Variants in DGKZ observed in about 807,000 individuals in gnomAD.
DGKZ encodes the protein DAG kinase zeta.
Under a neutral mutation model 142.5 loss-of-function variants are expected in DGKZ, and 45 were observed. The ratio of observed to expected loss-of-function variants is 0.32; its 90% confidence interval spans 0.25 to 0.40. DGKZ has a LOEUF of 0.40. Among genes scored for constraint, DGKZ ranks in the 10% least tolerant of loss-of-function variants. The probability of loss-of-function intolerance (pLI) is 1.00; values close to 1 mark genes in which losing one functional copy is unlikely to be tolerated. For missense variants in DGKZ, 755 were observed against 1,306.5 expected (o/e 0.58, Z 6.51); for synonymous variants, 442 against 527.0 (o/e 0.84, Z 2.21).
chr11:46,366,914 C>G, intron 1 of DGKZ: 1 of 1,546,224 alleles, frequency 6.5e-7, no homozygotes, highest in Non-Finnish European at 8.7e-7. Context: ...TGTGCGCCCA[C>G]TGTCCCGCAG....
At chr11:46,377,161 T>A in exon 25 of DGKZ, 1 of 1,610,816 alleles carries the variant, frequency 6.2e-7, no homozygotes, top group Non-Finnish European at 8.5e-7. Context: ...CGGCCTGACC[T>A]CCCAACCCCC....
chr11:46,377,678 C>G (rs1590643674), intron 25 of DGKZ: 2 of 223,234 alleles, frequency 9.0e-6, no homozygotes, highest in Admixed American at 5.2e-5. Context: ...TCTCCCCAGG[C>G]CCCCCGTCAT....
exon 1 of DGKZ, chr11:46,333,172 C>T (rs1939853952): frequency 4.8e-6 from 5 of 1,047,726 alleles, no homozygotes; most frequent in South Asian, 9.0e-5. Context: ...CCCGGCGCTC[C>T]CCTCCCTCCC....
chr11:46,370,453 T>C (rs1302816844), intron 6 of DGKZ, among the ~76,000 whole-genome samples: 1 of 152,184 alleles, frequency 6.6e-6, no homozygotes, highest in Non-Finnish European at 1.5e-5. Flanking sequence ...CCCGCCTCCC[T>C]CAGTAAGTGC....
intron 1 of DGKZ, among the ~76,000 whole-genome samples, chr11:46,336,531 C>A (rs1430292935): frequency 6.6e-6 from 1 of 152,146 alleles, no homozygotes; most frequent in East Asian, 1.9e-4. Context: ...GATTTGGGAC[C>A]AGCCTGAGTG....
Position 46,374,753 on chromosome 11 carries a change from C to G in DGKZ, c.1525-13C>G, listed in dbSNP as rs77541736. 16 of 1,612,564 alleles carry G rather than the reference C, an allele frequency of 9.9e-6. No individual in the cohort carries two copies. Among genetic ancestry groups the G allele is most frequent in the Admixed American group, 3.3e-5 (2 of 59,864 alleles). ...GGCACATGCACCTCAACACCCTCCC[C>G]GCCCGCCTCCAGTGTGATGGAATGG... On this transcript the variant is annotated splice_polypyrimidine_tract_variant and intron_variant, in intron 17 of 30. Coordinates refer to ENST00000527911, the Ensembl canonical transcript of DGKZ.
intron 1 of DGKZ, among the ~76,000 whole-genome samples, chr11:46,334,325 C>T (rs979432629): frequency 1.3e-5 from 2 of 152,200 alleles, no homozygotes; most frequent in African/African-American, 4.8e-5. Flanking sequence ...AGCCCTTGGC[C>T]CAGAGTGACC....
intron 1 of DGKZ, among the ~76,000 whole-genome samples, chr11:46,339,287 C>T (rs962687936): frequency 1.3e-5 from 2 of 152,236 alleles, no homozygotes; most frequent in Non-Finnish European, 2.9e-5. Context: ...TAAATAGCAA[C>T]AGGATAAAGC....
In DGKZ at chr11:46,377,126, C is replaced by T. The variant is rs750213074; in HGVS notation, c.2256C>T (p.Asp752=). 164 of 1,613,450 alleles carry T rather than the reference C, an allele frequency of 1.0e-4. 1 individual carries two copies. The Middle Eastern group carries it at 1.3e-3, about 13-fold the overall frequency. The change falls in exon 25 of 31, where the codon GAC becomes GAT. Residue 752 remains aspartate (D), a synonymous_variant. Transcript: ENST00000527911. ...CACAGGATGAGATTTATATCCTGGA[C>T]CCTGAGCTGCTGGGGGCATCGGCCC...
rs761020764 is a variant in DGKZ, at chr11:46,368,114, C to CT, written c.444+38dup. 3.6e-5 allele frequency: 58 copies of CT among 1,610,038 alleles called. No individual in the cohort carries two copies. The African/African-American group carries it at 7.5e-4, about 21-fold the overall frequency. ...TAGCTCAGCTTTGCCCGCCCCTGCC[C>CT]TTTGGGTGCTGAGGCCCTTTCAGCG... On this transcript the variant is annotated intron_variant, in intron 4 of 30. Coordinates refer to ENST00000527911, the Ensembl canonical transcript of DGKZ.
chr11:46,362,804 T>C (rs1357722242), intron 1 of DGKZ, among the ~76,000 whole-genome samples: 1 of 152,194 alleles, frequency 6.6e-6, no homozygotes, highest in Non-Finnish European at 1.5e-5. Context: ...CCTGCCCCGA[T>C]AGCAGCCACT....
intron 1 of DGKZ, chr11:46,361,516 C>A: frequency 1.8e-6 from 1 of 549,422 alleles, no homozygotes; most frequent in Non-Finnish European, 2.3e-6. Flanking sequence ...AGTTACCAAT[C>A]GGGTTATTTT....
intron 1 of DGKZ, among the ~76,000 whole-genome samples, chr11:46,355,980 A>G (rs1200987928): frequency 5.3e-5 from 8 of 152,000 alleles, no homozygotes. Flanking sequence ...TCCTGACCTC[A>G]GGTGATCTGC....
chr11:46,348,405 T>C (rs1940942962), intron 1 of DGKZ, among the ~76,000 whole-genome samples: 1 of 152,174 alleles, frequency 6.6e-6, no homozygotes, highest in African/African-American at 2.4e-5. Context: ...AGCTTCTCCT[T>C]GGGGTTGGGG....
Position 46,377,226 on chromosome 11 carries a change from T to C in DGKZ, c.2342+14T>C. On this transcript the variant is annotated intron_variant, in intron 25 of 30. Transcript: ENST00000527911. ...ACCCACGCCCCGGTGAGTCCTGGTG[T>C]CCCGTCCCTCCAGCCCCTGGCTTTC... 1 of 1,572,258 alleles carries C rather than the reference T, an allele frequency of 6.4e-7. No homozygotes were observed. The highest frequency in any genetic ancestry group is 1.8e-5 in the Admixed American group (1 of 56,360).
Position 46,375,359 on chromosome 11 carries a change from G to C in DGKZ, c.1711-73G>C, listed in dbSNP as rs529412805. 1.3e-4 allele frequency: 185 copies of C among 1,460,846 alleles called. No individual in the cohort carries two copies. In the South Asian group the frequency reaches 2.3e-3, roughly 18 times the overall value. 90.5% of individuals were successfully genotyped at this position (1,460,846 alleles called of 1,614,324 possible). A position where few individuals can be genotyped will look rare whatever the true frequency, so the allele number is the denominator to read the frequency against. ...GTTCTCTGGCTAGAGTTTCTGCTTCGGAAGGAGCAGAGTCTGGGACCCCCC... is the reference window on the plus strand; with the variant it reads ...GTTCTCTGGCTAGAGTTTCTGCTTCCGAAGGAGCAGAGTCTGGGACCCCCC... On this transcript the variant is annotated intron_variant, in intron 19 of 30. Coordinates refer to ENST00000527911, the Ensembl canonical transcript of DGKZ.
At position 46,347,596 on chromosome 11, in the gene DGKZ, C is replaced by A; in HGVS notation, c.-64C>A. ...GGCGGCGCGGAGCGGGCGTGCTGAG[C>A]CCCGGCCGCCGGCCCGGCATGGGCG... On this transcript the variant is annotated 5_prime_UTR_variant, in exon 1 of 31. Coordinates refer to ENST00000527911, the Ensembl canonical transcript of DGKZ. This position sits in a 1 kb window ranked among gnomAD's most constrained non-coding sequence, Gnocchi z 6.4. 1 of 1,165,640 alleles carries A rather than the reference C, an allele frequency of 8.6e-7. No homozygotes were observed. The highest frequency in any genetic ancestry group is 4.8e-5 in the Admixed American group (1 of 20,996). The allele number at this position is 1,165,640 out of a possible 1,614,324, so 72.2% of individuals were successfully genotyped here.
intron 1 of DGKZ, among the ~76,000 whole-genome samples, chr11:46,337,616 C>T (rs1218420370): frequency 6.6e-6 from 1 of 152,024 alleles, no homozygotes; most frequent in Non-Finnish European, 1.5e-5. Flanking sequence ...TTCTAAAGCC[C>T]TCTCCCTAGA....
chr11:46,344,106 C>A (rs1029993245), upstream of DGKZ, among the ~76,000 whole-genome samples: 1 of 152,130 alleles, frequency 6.6e-6, no homozygotes, highest in Non-Finnish European at 1.5e-5. Context: ...TCCACCACCA[C>A]ACCCAGCTAG....
Sources: gnomAD v4.1 joint callset for allele counts (sites outside exome capture counted in the v4.1 genomes callset) on GRCh38, gnomAD v4.1.1 for gene constraint, Gnocchi (gnomAD v3.1) non-coding constraint, MANE v1.5 for transcripts, NCBI Gene and HGNC (gene_info 2026-07-23, HGNC 2026-07-21) for gene names.